ZNF438: variants seen among roughly 807,000 people sequenced by gnomAD.
The protein encoded by ZNF438 is zinc finger protein 438.
ZNF438 carries 25 observed loss-of-function variants against 38.0 expected under a neutral mutation model. The ratio of observed to expected loss-of-function variants is 0.66; its 90% CI spans 0.48 to 0.92. The LOEUF is 0.92. Ranked by LOEUF, ZNF438 falls within the 40% of genes least tolerant of loss-of-function variation. The pLI is 0.00. For missense variants in ZNF438, 1,007 were observed against 999.6 expected, an observed-to-expected ratio of 1.01 and a Z score of -0.10; for synonymous variants, 372 against 364.1, an observed-to-expected ratio of 1.02 and a Z score of -0.25.
At position 30,848,718 on chromosome 10, in the gene ZNF438, G is replaced by A. The variant is rs35262718; in HGVS notation, c.1687C>T (p.Leu563=). 9.6e-3 allele frequency: 15,538 copies of A among 1,614,150 alleles called. 1,130 individuals carry two copies. The African/African-American group carries it at 0.17, about 18-fold the overall frequency. ...AACTCACAACACATGAGTTTCTTCA[G>A]ACGGTTCTCACCATGATGAAGTTTC... The change falls in exon 5 of 6, where the codon CTG becomes TTG. Residue 563 remains leucine, a synonymous_variant. Transcript: ENST00000413025.
chr10:30,973,792 A>G (rs969139499), intron 1 of ZNF438, among the ~76,000 whole-genome samples: 2 of 152,218 alleles, frequency 1.3e-5, no homozygotes, highest in Non-Finnish European at 2.9e-5. Flanking sequence ...TTCTTCAAAA[A>G]GAGTCACCCT....
rs145627642 is a variant in ZNF438 at position 30,997,421 on chromosome 10, G to T, written c.-192+34412C>A. On this transcript the variant is annotated intron_variant, in intron 1 of 5. Transcript: ENST00000413025. ...TAAGCCTGAAGAAAAAGAATGAGAAGACTGAAAATGAACGCAAAAAGAAAT... is the reference window on the plus strand; with the variant it reads ...TAAGCCTGAAGAAAAAGAATGAGAATACTGAAAATGAACGCAAAAAGAAAT... 6.9e-3 allele frequency among the ~76,000 whole-genome samples: 1,045 copies of T among 152,178 alleles called. 12 individuals are homozygous for T. The highest frequency in any genetic ancestry group is 0.024 in the African/African-American group (997 of 41,504).
At chr10:30,862,143 C>T (rs149634827) in intron 4 of ZNF438, among the ~76,000 whole-genome samples, 15 of 152,284 alleles carry the variant, frequency 9.9e-5, no homozygotes, top group African/African-American at 2.2e-4. Flanking sequence ...TACCTGTGCA[C>T]GCTGTCCTTC....
intron 1 of ZNF438, among the ~76,000 whole-genome samples, chr10:31,017,088 G>T (rs943845632): frequency 6.6e-6 from 1 of 152,124 alleles, no homozygotes; most frequent in African/African-American, 2.4e-5. Context: ...TACAACTGTG[G>T]AATACAAATG....
chr10:30,939,476 A>G (rs143465284), intron 2 of ZNF438, among the ~76,000 whole-genome samples: 1 of 152,348 alleles, frequency 6.6e-6, no homozygotes, highest in African/African-American at 2.4e-5. Context: ...AGGAGGAATT[A>G]GTGAAACAGT....
chr10:30,900,899 A>T (rs1400036478), intron 3 of ZNF438, among the ~76,000 whole-genome samples: 1 of 152,250 alleles, frequency 6.6e-6, no homozygotes, highest in Non-Finnish European at 1.5e-5. Flanking sequence ...AATTAGGAAC[A>T]GTAATCCCTG....
intron 2 of ZNF438, among the ~76,000 whole-genome samples, chr10:30,912,463 T>C (rs2043180470): frequency 6.6e-6 from 1 of 152,142 alleles, no homozygotes; most frequent in South Asian, 2.1e-4. Context: ...CATGTCTCAC[T>C]TTATATTCTC....
chr10:31,006,614 A>G (rs2055152660), intron 1 of ZNF438, among the ~76,000 whole-genome samples: 1 of 152,104 alleles, frequency 6.6e-6, no homozygotes, highest in Non-Finnish European at 1.5e-5. Flanking sequence ...ACCCCAATTT[A>G]TAGCAGGTTG....
At chr10:30,902,908 C>A (rs1015809666) in intron 3 of ZNF438, among the ~76,000 whole-genome samples, 1 of 152,188 alleles carries the variant, frequency 6.6e-6, no homozygotes, top group Admixed American at 6.5e-5. Flanking sequence ...CATGGCAGAG[C>A]GGGGAGACTC....
At chr10:30,917,120 C>T (rs1222433101) in intron 2 of ZNF438, among the ~76,000 whole-genome samples, 1 of 152,010 alleles carries the variant, frequency 6.6e-6, no homozygotes, top group Non-Finnish European at 1.5e-5. Flanking sequence ...CTTCAAAATC[C>T]TTCCCAGTCA....
At chr10:30,940,897 A>T (rs1458801626) in intron 2 of ZNF438, among the ~76,000 whole-genome samples, 5 of 151,964 alleles carry the variant, frequency 3.3e-5, no homozygotes, top group Non-Finnish European at 7.4e-5. Context: ...ATAACTTAGA[A>T]AAGTTGTATA....
intron 1 of ZNF438, among the ~76,000 whole-genome samples, chr10:31,018,612 C>A (rs569055380): frequency 6.6e-6 from 1 of 152,176 alleles, no homozygotes; most frequent in Non-Finnish European, 1.5e-5. Context: ...CCACTTCAGG[C>A]GCCAATTTTT....
chr10:30,906,148 G>A (rs575129031), intron 3 of ZNF438, among the ~76,000 whole-genome samples: 2 of 152,126 alleles, frequency 1.3e-5, no homozygotes, highest in Non-Finnish European at 2.9e-5. Context: ...GAACAATTTG[G>A]GGTGTATTAC....
chr10:30,930,803 C>CAAAAAAA (rs71527620), intron 2 of ZNF438, among the ~76,000 whole-genome samples: 103 of 38,430 alleles, frequency 2.7e-3, no homozygotes, highest in East Asian at 3.4e-3. Context: ...GAAACTCAGT[C>CAAAAAAA]AAAAAAAAAA....
At chr10:31,026,786 G>C (rs1057048033) in intron 1 of ZNF438, among the ~76,000 whole-genome samples, 4 of 152,090 alleles carry the variant, frequency 2.6e-5, no homozygotes, top group African/African-American at 9.7e-5. Flanking sequence ...AAAGAGACAT[G>C]CACACGTATG....
At chr10:30,958,722 C>T (rs78242528) in intron 1 of ZNF438, among the ~76,000 whole-genome samples, 2,441 of 146,886 alleles carry the variant, frequency 0.017, 329 homozygotes, top group Non-Finnish European at 0.026. Context: ...GCAGTCAATT[C>T]CTGCTCCAAC....
At chr10:31,011,247 T>C (rs1481988378) in intron 1 of ZNF438, among the ~76,000 whole-genome samples, 1 of 152,194 alleles carries the variant, frequency 6.6e-6, no homozygotes. Context: ...CACTGTGAGC[T>C]GGCAGGCTAA....
At chr10:30,862,982 TAG>T (rs2035834415) in intron 4 of ZNF438, among the ~76,000 whole-genome samples, 2 of 152,342 alleles carry the variant, frequency 1.3e-5, no homozygotes, top group Non-Finnish European at 2.9e-5. Flanking sequence ...TGTTTTATAG[TAG>T]AGTTTTACAG....
intron 3 of ZNF438, among the ~76,000 whole-genome samples, chr10:30,879,381 G>T (rs1564553720): frequency 6.6e-6 from 1 of 151,958 alleles, no homozygotes; most frequent in East Asian, 1.9e-4. Flanking sequence ...CTATGTACCA[G>T]AAAAAATCAC....
Sources: gnomAD v4.1 joint callset for allele counts (sites outside exome capture counted in the v4.1 genomes callset) on GRCh38, gnomAD v4.1.1 for gene constraint, MANE v1.5 for transcripts, NCBI Gene and HGNC (gene_info 2026-07-23, HGNC 2026-07-21) for gene names.